The following TMEM117 variants were observed in gnomAD, a reference collection of about 807,000 sequenced individuals.
TMEM117 encodes transmembrane protein 117.
A neutral mutation model predicts 52.4 loss-of-function variants in TMEM117; 27 were observed. That is an observed-to-expected ratio of 0.51 (90% CI 0.38 to 0.71). The LOEUF (loss-of-function observed/expected upper bound fraction) is 0.71. Among genes scored for constraint, TMEM117 ranks in the 30% least tolerant of loss-of-function variants. TMEM117 has a pLI of 0.00. For missense variants in TMEM117, 556 were observed against 630.5 expected, an observed-to-expected ratio of 0.88 and a Z score of 1.26; for synonymous variants, 215 against 206.3, an observed-to-expected ratio of 1.04 and a Z score of -0.36.
At chr12:44,144,529 A>G (rs1429954681) in intron 4 of TMEM117, among the ~76,000 whole-genome samples, 1 of 152,180 alleles carries the variant, frequency 6.6e-6, no homozygotes, top group African/African-American at 2.4e-5. Context: ...TATTGTAGGT[A>G]GATATTGTAG....
chr12:44,217,957 C>T (rs1158242057), intron 5 of TMEM117, among the ~76,000 whole-genome samples: 1 of 152,132 alleles, frequency 6.6e-6, no homozygotes, highest in African/African-American at 2.4e-5. Flanking sequence ...GGTGCGGTGG[C>T]TCATGCCTGT....
intron 3 of TMEM117, among the ~76,000 whole-genome samples, chr12:44,034,084 A>G (rs949050600): frequency 4.6e-5 from 7 of 152,318 alleles, no homozygotes; most frequent in Non-Finnish European, 7.4e-5. Flanking sequence ...ATACATTTCT[A>G]AGTCCCTCAA....
chr12:44,131,992 T>A (rs1948421202), intron 3 of TMEM117, among the ~76,000 whole-genome samples: 1 of 152,156 alleles, frequency 6.6e-6, no homozygotes, highest in Admixed American at 6.6e-5. Context: ...AGAGATTTTC[T>A]TCAAATATAT....
intron 1 of TMEM117, among the ~76,000 whole-genome samples, chr12:43,837,802 A>G (rs1473896003): frequency 6.6e-6 from 1 of 152,234 alleles, no homozygotes; most frequent in African/African-American, 2.4e-5. Flanking sequence ...CCCTAGACCT[A>G]CTTTGCTTTT....
At chr12:44,271,688 G>A (rs926755135) in intron 5 of TMEM117, among the ~76,000 whole-genome samples, 2 of 151,884 alleles carry the variant, frequency 1.3e-5, no homozygotes, top group Non-Finnish European at 2.9e-5. Context: ...TATATTCTGG[G>A]ATAATACTCA....
At chr12:44,086,458 G>A (rs755991246) in intron 3 of TMEM117, among the ~76,000 whole-genome samples, 56 of 151,826 alleles carry the variant, frequency 3.7e-4, no homozygotes, top group African/African-American at 1.1e-3. Flanking sequence ...CTCGTGATCC[G>A]CCCCTCTCAG....
At chr12:44,342,656 AAG>A (rs973477448) in intron 6 of TMEM117, among the ~76,000 whole-genome samples, 6 of 151,848 alleles carry the variant, frequency 4.0e-5, no homozygotes, top group Non-Finnish European at 8.8e-5. Context: ...AAAAAAAAAA[AAG>A]ACTCATTAAA....
intron 3 of TMEM117, among the ~76,000 whole-genome samples, chr12:44,122,675 T>C (rs1948256920): frequency 6.6e-6 from 1 of 152,208 alleles, no homozygotes. Flanking sequence ...TTTGATTTTC[T>C]CTTCCTGCAT....
chr12:43,865,853 C>A (rs1446625744), intron 2 of TMEM117, among the ~76,000 whole-genome samples: 1 of 151,542 alleles, frequency 6.6e-6, no homozygotes, highest in Non-Finnish European at 1.5e-5. Flanking sequence ...AAATGATTAG[C>A]CAATAATTAA....
chr12:43,915,826 G>C (rs1197104840), intron 2 of TMEM117, among the ~76,000 whole-genome samples: 5 of 152,188 alleles, frequency 3.3e-5, no homozygotes, highest in Non-Finnish European at 7.3e-5. Flanking sequence ...GAGGAGGCAA[G>C]GGTAAGGGAA....
chr12:43,986,170 T>G (rs1432077249), intron 3 of TMEM117, among the ~76,000 whole-genome samples: 1 of 152,136 alleles, frequency 6.6e-6, no homozygotes, highest in Non-Finnish European at 1.5e-5. Context: ...ATGAATGTGT[T>G]TTAATTAATT....
chr12:44,220,049 T>G (rs1351150476), intron 5 of TMEM117, among the ~76,000 whole-genome samples: 6 of 152,166 alleles, frequency 3.9e-5, no homozygotes, highest in Non-Finnish European at 1.5e-5. Context: ...CACTATCTTT[T>G]CACTATCTTT....
chr12:44,190,547 G>A (rs1401517283), intron 4 of TMEM117, among the ~76,000 whole-genome samples: 1 of 152,030 alleles, frequency 6.6e-6, no homozygotes, highest in Admixed American at 6.6e-5. Context: ...TAGACAAATG[G>A]AAAATGTGGA....
chr12:43,830,667 T>C, the TMEM117 span, among the ~76,000 whole-genome samples: 5 of 150,980 alleles, frequency 3.3e-5, no homozygotes, highest in South Asian at 2.1e-4. Flanking sequence ...CAGCCATTTA[T>C]AGGGTTAAGC....
rs531528570 is a variant in TMEM117 at position 44,151,779 on chromosome 12, T to A, written c.510+8155T>A. Among the ~76,000 whole-genome samples, 6 of 146,954 alleles carry A rather than the reference T, an allele frequency of 4.1e-5. No homozygotes were observed. In the East Asian group the frequency reaches 1.2e-3, roughly 29 times the overall value. ...GGCTCCCTTAACATTTCTTTCACCT[T>A]TTATTTAGTGCCTCTTGTGGGCCGA... On this transcript the variant is annotated intron_variant, in intron 4 of 7. Transcript: ENST00000266534.
At chr12:44,231,250 G>A (rs968717974) in intron 5 of TMEM117, among the ~76,000 whole-genome samples, 4 of 151,828 alleles carry the variant, frequency 2.6e-5, no homozygotes, top group Admixed American at 6.6e-5. Flanking sequence ...ACCACACTCT[G>A]TGTTTTCCTT....
At chr12:43,982,553 A>G (rs889135780) in intron 3 of TMEM117, among the ~76,000 whole-genome samples, 4 of 152,188 alleles carry the variant, frequency 2.6e-5, no homozygotes, top group African/African-American at 9.6e-5. Flanking sequence ...TAATTATTTA[A>G]TCTACTTCCC....
intron 3 of TMEM117, among the ~76,000 whole-genome samples, chr12:43,989,097 G>C (rs569784760): frequency 3.9e-5 from 6 of 152,230 alleles, no homozygotes; most frequent in Admixed American, 3.3e-4. Context: ...GGTGGTACCA[G>C]TATGAGGCAT....
chr12:44,229,894 G>T (rs895567272), intron 5 of TMEM117, among the ~76,000 whole-genome samples: 2 of 151,986 alleles, frequency 1.3e-5, no homozygotes, highest in Admixed American at 6.6e-5. Flanking sequence ...ACAAATCAGT[G>T]GGAACATTTG....
Sources: gnomAD v4.1 joint callset for allele counts (sites outside exome capture counted in the v4.1 genomes callset) on GRCh38, gnomAD v4.1.1 for gene constraint, MANE v1.5 for transcripts, NCBI Gene and HGNC (gene_info 2026-07-23, HGNC 2026-07-21) for gene names.